The following LAMA2 variants were observed in gnomAD, a reference collection of about 807,000 sequenced individuals.
The protein encoded by LAMA2 is laminin subunit alpha-2.
LAMA2 carries 269 observed loss-of-function variants against 364.8 expected under a neutral mutation model. The ratio of observed to expected loss-of-function variants is 0.74; its 90% CI spans 0.67 to 0.82. The LOEUF (loss-of-function observed/expected upper bound fraction) is 0.82, where lower values mean the gene tolerates loss of function less well. Ranked by LOEUF, LAMA2 falls within the 40% of genes least tolerant of loss-of-function variation. The pLI is 0.00. For missense variants in LAMA2, 3,807 were observed against 3,873.2 expected (o/e 0.98, Z 0.45); for synonymous variants, 1,379 against 1,370.6 (o/e 1.01, Z -0.14).
chr6:128,931,903 C>A (rs1430136712), intron 1 of LAMA2, among the ~76,000 whole-genome samples: 1 of 152,130 alleles, frequency 6.6e-6, no homozygotes, highest in Admixed American at 6.5e-5. Flanking sequence ...TTTAATTTAA[C>A]TCCATTATTT....
At chr6:129,434,545 T>G (rs1421914696) in intron 41 of LAMA2, among the ~76,000 whole-genome samples, 1 of 152,186 alleles carries the variant, frequency 6.6e-6, no homozygotes, top group Non-Finnish European at 1.5e-5. Context: ...CTATGGATTA[T>G]AAATTAAATC....
chr6:129,463,355 A>G (rs1250818467), intron 49 of LAMA2, among the ~76,000 whole-genome samples: 1 of 151,944 alleles, frequency 6.6e-6, no homozygotes, highest in Non-Finnish European at 1.5e-5. Flanking sequence ...GGAAGGACTC[A>G]TATTATTTCT....
At chr6:129,334,298 G>A (rs1775822817) in intron 29 of LAMA2, among the ~76,000 whole-genome samples, 1 of 152,184 alleles carries the variant, frequency 6.6e-6, no homozygotes, top group South Asian at 2.1e-4. Flanking sequence ...CTTACTGGTA[G>A]TGTGAGCCTA....
At chr6:129,280,006 A>ACTTTGTGTATGTCCTTT in intron 17 of LAMA2, 55 bp from the exon 18 acceptor site, 2 of 1,137,166 alleles carry the variant, frequency 1.8e-6, no homozygotes, top group Non-Finnish European at 2.7e-6. Context: ...AATGCTAATG[A>ACTTTGTGTATGTCCTTT]CTTTGTGTAT....
At chr6:129,326,756 T>G (rs1361699968) in intron 28 of LAMA2, among the ~76,000 whole-genome samples, 1 of 144,896 alleles carries the variant, frequency 6.9e-6, no homozygotes, top group Non-Finnish European at 1.5e-5. Flanking sequence ...ATATATAATT[T>G]ATATATATAA....
chr6:129,193,639 T>C (rs1219920513), intron 12 of LAMA2, among the ~76,000 whole-genome samples: 2 of 152,228 alleles, frequency 1.3e-5, no homozygotes, highest in Admixed American at 1.3e-4. Flanking sequence ...AGTTAATACC[T>C]TCTCAGCTGA....
chr6:129,029,693 T>C (rs1019005881), intron 1 of LAMA2, among the ~76,000 whole-genome samples: 8 of 151,982 alleles, frequency 5.3e-5, no homozygotes, highest in Non-Finnish European at 7.4e-5. Flanking sequence ...CCGAAATATA[T>C]GAATTGTGAG....
At chr6:129,221,162 CA>C (rs148440333) in intron 12 of LAMA2, among the ~76,000 whole-genome samples, 2 of 139,574 alleles carry the variant, frequency 1.4e-5, no homozygotes, top group East Asian at 2.1e-4. Context: ...GACTCCATCT[CA>C]AAAAAAAAAT....
In LAMA2 at chr6:129,312,982, A is replaced by G. The variant is rs35065563; in HGVS notation, c.3296A>G (p.Asn1099Ser). 8.4e-4 allele frequency: 1,351 copies of G among 1,614,098 alleles called. 19 individuals carry two copies. In the African/African-American group the frequency reaches 0.017, roughly 20 times the overall value. ...ACAGAGTGCAGTCGAGGTCACTGGA[A>G]CTACCCTCGCTGCAATCTCTGTGAC... ...KCTECSRGHW[N>S]YPRCNLCDCF... is the part of the protein sequence containing the mutation. The change falls in exon 23 of 65, where the codon AAC (asparagine) becomes AGC (serine). Residue 1099 changes from asparagine to serine, a missense_variant. Around this residue, in one of 3 missense-constraint regions of LAMA2, gnomAD observed 3,333 missense variants for 3,345.7 expected, o/e 1.00. Transcript: ENST00000421865.
chr6:128,929,213 C>A, intron 1 of LAMA2: 1 of 1,485,266 alleles, frequency 6.7e-7, no homozygotes, highest in Non-Finnish European at 9.4e-7. Context: ...CACCCAGCGC[C>A]TTCTGAGCTT....
chr6:129,190,215 A>T lies in LAMA2; in HGVS notation c.1478A>T (p.Glu493Val). 1 of 1,613,494 alleles carries T rather than the reference A, an allele frequency of 6.2e-7. No homozygotes were observed. Among genetic ancestry groups the T allele is most frequent in the Non-Finnish European group, 8.5e-7 (1 of 1,179,470 alleles). The change falls in exon 11 of 65, where the codon GAA (glutamate) becomes GTA (valine). Residue 493 changes from glutamate to valine, a missense_variant. Physicochemically the swap from Glu to Val is moderately radical, Grantham distance 121. This residue lies in a region of LAMA2 where 3,333 missense variants were observed against 3,345.7 expected (regional missense o/e 1.00). Coordinates refer to ENST00000421865, the MANE Select transcript of LAMA2 (RefSeq NM_000426.4). ...TCTCTTTATTTGCAGGAAAATGTTG[A>T]AGGAGGAGACTGTAGTCGTTGCAAA... ...FGPCICKENVEGGDCSRCKSG... is the reference protein window; with the variant it reads ...FGPCICKENVVGGDCSRCKSG...
chr6:129,292,232 G>T (rs1789755039), intron 20 of LAMA2, among the ~76,000 whole-genome samples: 1 of 152,136 alleles, frequency 6.6e-6, no homozygotes, highest in Non-Finnish European at 1.5e-5. Flanking sequence ...TGTAATCCCA[G>T]CTACTCAGGA....
At chr6:129,318,365 G>T (rs1384557883) in intron 27 of LAMA2, among the ~76,000 whole-genome samples, 1 of 152,014 alleles carries the variant, frequency 6.6e-6, no homozygotes. Flanking sequence ...GGAAGCTGGA[G>T]TTTGGCCAAA....
chr6:129,300,463 C>A (rs1053474446), intron 21 of LAMA2, among the ~76,000 whole-genome samples: 11 of 152,130 alleles, frequency 7.2e-5, no homozygotes, highest in Admixed American at 7.2e-4. Context: ...AACACCAATT[C>A]TTTCCTTTCT....
intron 37 of LAMA2, among the ~76,000 whole-genome samples, chr6:129,397,337 G>C (rs1779709625): frequency 6.6e-6 from 1 of 151,808 alleles, no homozygotes; most frequent in Non-Finnish European, 1.5e-5. Flanking sequence ...TTCTATCTGT[G>C]CCTCTCTTTG....
In LAMA2 at chr6:129,046,954, A is replaced by C. The variant is rs184438857; in HGVS notation, c.113-2964A>C. On this transcript the variant is annotated intron_variant, in intron 1 of 64. Transcript: ENST00000421865. ...TTACTGTCTGGCATAATATGTGCTC[A>C]AAACATATTTGATGAAGGAATAGTT... 2.7e-3 allele frequency among the ~76,000 whole-genome samples: 411 copies of C among 152,364 alleles called. 4 individuals are homozygous for C. Among genetic ancestry groups the C allele is most frequent in the Non-Finnish European group, 4.4e-3 (302 of 68,032 alleles).
intron 1 of LAMA2, among the ~76,000 whole-genome samples, chr6:129,017,882 C>T (rs993014417): frequency 6.6e-6 from 1 of 151,766 alleles, no homozygotes; most frequent in Non-Finnish European, 1.5e-5. Context: ...AAGTTAGCAT[C>T]AAGGGTAAAT....
Position 129,148,998 on chromosome 6 carries a change from A to G in LAMA2, c.929A>G (p.Glu310Gly). 1.9e-6 allele frequency: 3 copies of G among 1,613,052 alleles called. No individual in the cohort carries two copies. Among genetic ancestry groups the G allele is most frequent in the Non-Finnish European group, 2.5e-6 (3 of 1,179,102 alleles). ...GACTAGAAATCTCGCTGTGAGTGTG[A>G]GCATAACACATGTGGCGATAGCTGT... ...PATNKSRCEC[E>G]HNTCGDSCDQ... The change falls in exon 7 of 65, where the codon GAG (glutamate) becomes GGG (glycine). Residue 310 changes from glutamate (E) to glycine (G), a missense_variant. Coordinates refer to ENST00000421865, the MANE Select transcript of LAMA2 (RefSeq NM_000426.4).
intron 49 of LAMA2, 49 bp downstream of exon 49, chr6:129,460,373 AG>A: frequency 6.3e-7 from 1 of 1,585,386 alleles, no homozygotes; most frequent in Non-Finnish European, 8.7e-7. Flanking sequence ...GCATAATAAA[AG>A]CTTCGATTTT....
Sources: gnomAD v4.1 joint callset for allele counts (sites outside exome capture counted in the v4.1 genomes callset) on GRCh38, gnomAD v4.1.1 for gene constraint, gnomAD v4.1.1 regional missense constraint, MANE v1.5 for transcripts, NCBI Gene and HGNC (gene_info 2026-07-23, HGNC 2026-07-21) for gene names.